Variants in CNTN1 observed in about 807,000 individuals in gnomAD.
The protein encoded by CNTN1 is contactin 1.
Under a neutral mutation model 126.4 loss-of-function variants are expected in CNTN1, and 38 were observed. The ratio of observed to expected loss-of-function variants is 0.30; its 90% CI spans 0.23 to 0.39. The LOEUF is 0.39. CNTN1 is among the 10% of genes least tolerant of loss of function. The pLI is 1.00. For synonymous variants in CNTN1, 413 were observed against 422.6 expected, an observed-to-expected ratio of 0.98 and a Z score of 0.28; for missense variants, 1,009 against 1,248.4, an observed-to-expected ratio of 0.81 and a Z score of 2.89.
At chr12:40,930,597 C>T (rs1450368395) in intron 7 of CNTN1, among the ~76,000 whole-genome samples, 3 of 151,918 alleles carry the variant, frequency 2.0e-5, no homozygotes, top group Admixed American at 2.0e-4. Flanking sequence ...AAAAGCACTG[C>T]TGCTTAAGAG....
At chr12:41,011,107 A>G (rs958237201) in intron 17 of CNTN1, among the ~76,000 whole-genome samples, 1 of 152,188 alleles carries the variant, frequency 6.6e-6, no homozygotes, top group African/African-American at 2.4e-5. Flanking sequence ...GAAGGGTTCT[A>G]TATACCTATC....
At chr12:40,700,662 G>A (rs927968430) in intron 1 of CNTN1, among the ~76,000 whole-genome samples, 2 of 151,952 alleles carry the variant, frequency 1.3e-5, no homozygotes, top group Admixed American at 6.6e-5. Context: ...GCATTTTTTA[G>A]GAAATAGCAC....
intron 23 of CNTN1, among the ~76,000 whole-genome samples, chr12:41,067,009 C>A (rs1680293222): frequency 6.6e-6 from 1 of 151,976 alleles, no homozygotes; most frequent in African/African-American, 2.4e-5. Flanking sequence ...ACATAAGTAC[C>A]AGAATTATGA....
chr12:41,017,397 A>T (rs1592410199), intron 19 of CNTN1, among the ~76,000 whole-genome samples: 1 of 151,232 alleles, frequency 6.6e-6, no homozygotes, highest in Middle Eastern at 3.4e-3. Flanking sequence ...AAAAAAAAAA[A>T]AAATTTCTGT....
At chr12:40,917,071 G>GT (rs1374547956) in intron 3 of CNTN1, among the ~76,000 whole-genome samples, 2 of 123,552 alleles carry the variant, frequency 1.6e-5, no homozygotes, top group Non-Finnish European at 3.4e-5. Flanking sequence ...CGGGGGGGGG[G>GT]GCAGAACTAA....
At chr12:41,061,896 G>A (rs1001829625) in intron 23 of CNTN1, 17 of 424,440 alleles carry the variant, frequency 4.0e-5, no homozygotes, top group Admixed American at 2.7e-4. Flanking sequence ...TAGGTCTTAA[G>A]CTGTCTTTTT....
At chr12:40,885,451 T>C (rs1352765231) in intron 1 of CNTN1, among the ~76,000 whole-genome samples, 2 of 151,912 alleles carry the variant, frequency 1.3e-5, no homozygotes, top group African/African-American at 4.8e-5. Flanking sequence ...TTTGGTAGAG[T>C]ACTTAAGCAC....
At chr12:41,012,620 G>A (rs78522206) in intron 17 of CNTN1, among the ~76,000 whole-genome samples, 5,220 of 152,172 alleles carry the variant, frequency 0.034, 291 homozygotes, top group African/African-American at 0.12. Flanking sequence ...AAGGAAGCTG[G>A]TTCAAACATG....
At chr12:41,032,905 G>C (rs1172242061) in intron 23 of CNTN1, among the ~76,000 whole-genome samples, 1 of 152,042 alleles carries the variant, frequency 6.6e-6, no homozygotes, top group African/African-American at 2.4e-5. Flanking sequence ...CATGTAGCAG[G>C]GTTTTAAAAA....
intron 1 of CNTN1, among the ~76,000 whole-genome samples, chr12:40,750,177 G>A (rs1938351023): frequency 6.6e-6 from 1 of 152,070 alleles, no homozygotes; most frequent in South Asian, 2.1e-4. Flanking sequence ...ACTGGATGAG[G>A]ATGTGGGATC....
Position 40,924,881 on chromosome 12 carries a change from CAT to C in CNTN1, c.496+245_496+246del, listed in dbSNP as rs138237336. ...ATCTCTAATCATTTTAGTTTATAAA[CAT>C]ATATATATATATATAGTATTATGTC... On this transcript the variant is annotated intron_variant, in intron 6 of 23. Coordinates refer to ENST00000551295, the MANE Select transcript of CNTN1 (RefSeq NM_001843.4). Among the ~76,000 whole-genome samples the C allele has an allele frequency of 1.2e-3, 132 of 112,036 alleles. 6 individuals carry two copies. The highest frequency in any genetic ancestry group is 2.9e-3 in the African/African-American group (85 of 29,788). The allele number at this position is 112,036 out of a possible 152,430, so 73.5% of individuals were successfully genotyped here. A position where few individuals can be genotyped will look rare whatever the true frequency, so the allele number is the denominator to read the frequency against.
rs150376414 is a variant in CNTN1 at position 40,694,477 on chromosome 12, A to G, written c.-77+1885A>G. ...GTCTTCTGAAAACTTTAATATTCCA[A>G]CAACCTGCCGTGTAATTATACTGCA... On this transcript the variant is annotated intron_variant, in intron 1 of 23. Coordinates refer to ENST00000551295, the MANE Select transcript of CNTN1 (RefSeq NM_001843.4). Among the ~76,000 whole-genome samples the G allele has an allele frequency of 1.5e-3, 234 of 152,310 alleles. 1 individual carries two copies. In the East Asian group the frequency reaches 0.017, roughly 11 times the overall value.
chr12:41,056,294 A>G (rs1043300731), intron 23 of CNTN1, among the ~76,000 whole-genome samples: 1 of 152,154 alleles, frequency 6.6e-6, no homozygotes, highest in African/African-American at 2.4e-5. Flanking sequence ...TTTACTGATG[A>G]AGTCACTGAA....
chr12:41,018,602 GTGTATATATAAGTATATA>G (rs1298344610), intron 19 of CNTN1, among the ~76,000 whole-genome samples: 1 of 150,768 alleles, frequency 6.6e-6, no homozygotes, highest in Non-Finnish European at 1.5e-5. Flanking sequence ...GTATATATGT[GTGTATATATAAGTATATA>G]TGTATATATT....
At chr12:40,865,173 T>C (rs1446428843) in intron 1 of CNTN1, among the ~76,000 whole-genome samples, 1 of 152,172 alleles carries the variant, frequency 6.6e-6, no homozygotes, top group Non-Finnish European at 1.5e-5. Flanking sequence ...AAATCCTTTG[T>C]TTATTTATCT....
rs539664318 is a variant in CNTN1 at position 40,966,253 on chromosome 12, A to G, written c.1804+7019A>G. Among the ~76,000 whole-genome samples, 3 of 152,150 alleles carry G rather than the reference A, an allele frequency of 2.0e-5. No homozygotes were observed. In the South Asian group the frequency reaches 6.2e-4, roughly 32 times the overall value. On this transcript the variant is annotated intron_variant, in intron 15 of 23. Coordinates refer to ENST00000551295, the MANE Select transcript of CNTN1 (RefSeq NM_001843.4). ...GTCTTGCCACAGAGACAGACTAGAGATTCCATCTCATCAGCCTTGCAGAAC... is the reference window on the plus strand; with the variant it reads ...GTCTTGCCACAGAGACAGACTAGAGGTTCCATCTCATCAGCCTTGCAGAAC...
At chr12:40,959,318 C>A in intron 15 of CNTN1, 84 bp downstream of exon 15, 1 of 1,401,504 alleles carries the variant, frequency 7.1e-7, no homozygotes, top group Non-Finnish European at 1.0e-6. Flanking sequence ...AACTCTGGTG[C>A]AAATTCTTAC....
intron 1 of CNTN1, among the ~76,000 whole-genome samples, chr12:40,804,825 G>A (rs542863216): frequency 1.3e-5 from 2 of 152,042 alleles, no homozygotes; most frequent in African/African-American, 2.4e-5. Flanking sequence ...TAAATCAGGT[G>A]CATTGGAAAT....
intron 1 of CNTN1, among the ~76,000 whole-genome samples, chr12:40,727,246 A>G (rs1178793222): frequency 6.6e-6 from 1 of 151,774 alleles, no homozygotes; most frequent in Non-Finnish European, 1.5e-5. Flanking sequence ...GATATATGCT[A>G]TTTACAAGAG....
Sources: gnomAD v4.1 joint callset for allele counts (sites outside exome capture counted in the v4.1 genomes callset) on GRCh38, gnomAD v4.1.1 for gene constraint, MANE v1.5 for transcripts, NCBI Gene and HGNC (gene_info 2026-07-23, HGNC 2026-07-21) for gene names.